Variants in TANC2 observed in about 807,000 individuals in gnomAD.
TANC2 encodes tetratricopeptide repeat, ankyrin repeat and coiled-coil containing 2.
TANC2 carries 26 observed loss-of-function variants against 210.5 expected under a neutral mutation model. The observed-to-expected ratio is 0.12, with a 90% confidence interval of 0.09 to 0.17. The LOEUF (loss-of-function observed/expected upper bound fraction) is 0.17. Ranked by LOEUF, TANC2 falls within the 10% of genes least tolerant of loss-of-function variation. The probability of loss-of-function intolerance (pLI) is 1.00; values close to 1 mark genes in which losing one functional copy is unlikely to be tolerated. For synonymous variants in TANC2, 931 were observed against 967.1 expected (o/e 0.96, Z 0.69); for missense variants, 2,129 against 2,608.9 (o/e 0.82, Z 4.01).
intron 19 of TANC2, among the ~76,000 whole-genome samples, chr17:63,401,960 C>A (rs1378813894): frequency 6.6e-6 from 1 of 152,174 alleles, no homozygotes; most frequent in Admixed American, 6.5e-5. Context: ...TAGCCTCACC[C>A]TTTTGTGATA....
chr17:63,418,861 C>T lies in TANC2; in HGVS notation c.4268+454C>T, dbSNP rs551350727. Among the ~76,000 whole-genome samples the T allele has an allele frequency of 9.9e-5, 15 of 152,254 alleles. No individual in the cohort carries two copies. Among genetic ancestry groups the T allele is most frequent in the Non-Finnish European group, 1.9e-4 (13 of 68,018 alleles). Reference sequence around the variant, plus strand: ...GGAATCCCGGATTAGTTAGTCTTCCCTCTGGGGCTCTCCTCAAGTCTGGTG... The same window carrying T: ...GGAATCCCGGATTAGTTAGTCTTCCTTCTGGGGCTCTCCTCAAGTCTGGTG... On this transcript the variant is annotated intron_variant, in intron 27 of 27. Transcript: ENST00000689528. This position sits in a 1 kb window ranked among gnomAD's most constrained non-coding sequence, Gnocchi z 4.6.
chr17:63,096,284 T>A (rs1598392431), intron 3 of TANC2, among the ~76,000 whole-genome samples: 2 of 152,126 alleles, frequency 1.3e-5, no homozygotes, highest in South Asian at 4.2e-4. Flanking sequence ...GTCAGCATAG[T>A]AAGTGAAAGG....
chr17:63,379,832 T>C lies in TANC2; in HGVS notation c.2691+6T>C. ...TCAAAGCACACATTTTTAAGGTAAT[T>C]AAAGCAGTTGGAACCATTTTTCCGC... On this transcript the variant is annotated splice_donor_region_variant and intron_variant, in intron 15 of 27. Transcript: ENST00000689528. 1 of 1,607,288 alleles carries C rather than the reference T, an allele frequency of 6.2e-7. No individual in the cohort carries two copies. The highest frequency in any genetic ancestry group is 1.3e-5 in the African/African-American group (1 of 74,724).
chr17:63,366,510 C>T (rs1176165284), intron 14 of TANC2, among the ~76,000 whole-genome samples: 3 of 152,126 alleles, frequency 2.0e-5, no homozygotes, highest in Non-Finnish European at 4.4e-5. Context: ...AGCTCTTCTG[C>T]CTCATGAAGC....
chr17:63,255,393 G>A lies in TANC2; in HGVS notation c.1034-12355G>A, dbSNP rs138748321. On this transcript the variant is annotated intron_variant, in intron 8 of 27. Transcript: ENST00000689528. ...AGGCGTGAGCCACCGCGCCCGGCCG[G>A]CAGTAGTTCTTTTTTAAATGTTTGG... 3.9e-3 allele frequency among the ~76,000 whole-genome samples: 589 copies of A among 152,136 alleles called. 3 individuals carry two copies. The highest frequency in any genetic ancestry group is 6.1e-3 in the Non-Finnish European group (413 of 67,986).
At chr17:63,083,091 A>G (rs559508319) in intron 3 of TANC2, among the ~76,000 whole-genome samples, 3 of 152,306 alleles carry the variant, frequency 2.0e-5, no homozygotes, top group South Asian at 2.1e-4. Flanking sequence ...AAAATGGACA[A>G]TCAGGCCCTG....
At chr17:63,394,539 C>T (rs1020038789) in intron 17 of TANC2, among the ~76,000 whole-genome samples, 1 of 152,206 alleles carries the variant, frequency 6.6e-6, no homozygotes, top group Non-Finnish European at 1.5e-5. Flanking sequence ...CTATTGGTTA[C>T]AATTCAGACC....
chr17:63,106,863 TTTTA>T (rs1216867646), intron 4 of TANC2, among the ~76,000 whole-genome samples: 1 of 151,672 alleles, frequency 6.6e-6, no homozygotes, highest in Non-Finnish European at 1.5e-5. Flanking sequence ...AAAGTGAAAG[TTTTA>T]TTTATAGTAT....
At chr17:62,973,422 A>AG (rs2031823599) in intron 1 of TANC2, among the ~76,000 whole-genome samples, 2 of 152,346 alleles carry the variant, frequency 1.3e-5, no homozygotes, top group Middle Eastern at 3.4e-3. Flanking sequence ...TTTCAGCATC[A>AG]GTATAGTTAG....
chr17:63,340,037 G>T, intron 11 of TANC2, 64 bp from the exon 12 acceptor site: 2 of 1,188,810 alleles, frequency 1.7e-6, no homozygotes, highest in Non-Finnish European at 2.5e-6. Context: ...CTCAATAGCT[G>T]ATAATCATAG....
Position 63,098,509 on chromosome 17 carries a change from C to CTGTG in TANC2, c.140-662_140-659dup, listed in dbSNP as rs1297888437. 6.1e-3 allele frequency among the ~76,000 whole-genome samples: 405 copies of CTGTG among 66,600 alleles called. 14 individuals are homozygous for CTGTG. Among genetic ancestry groups the CTGTG allele is most frequent in the African/African-American group, 0.038 (388 of 10,092 alleles). 43.7% of individuals were successfully genotyped at this position (66,600 alleles called of 152,430 possible). ...ACTCTCTCTCTCTCTCTCTCTCTCT[C>CTGTG]TGTGTGTATATATATATATATATAT... On this transcript the variant is annotated intron_variant, in intron 3 of 27. Coordinates refer to ENST00000689528, the Ensembl canonical transcript of TANC2.
chr17:63,262,963 A>G (rs2043412403), intron 8 of TANC2, among the ~76,000 whole-genome samples: 1 of 152,182 alleles, frequency 6.6e-6, no homozygotes, highest in African/African-American at 2.4e-5. Context: ...CTGATGTAAA[A>G]TGTGGCATCT....
In TANC2 at chr17:63,385,405, T is replaced by C. The variant is rs75096336; in HGVS notation, c.2692-3230T>C. On this transcript the variant is annotated intron_variant, in intron 15 of 27. Transcript: ENST00000689528. ...CTTCCTGGTCTTCCAGGATCTACAG[T>C]GCAGGTGTGCTCAAGAACCTAACTT... Among the ~76,000 whole-genome samples the C allele has an allele frequency of 7.3e-4, 111 of 152,322 alleles. 9 individuals are homozygous for C. In the East Asian group the frequency reaches 0.011, roughly 15 times the overall value.
exon 28 of TANC2, chr17:63,427,691 A>G (rs1474721152): frequency 6.6e-6 from 1 of 152,272 alleles, no homozygotes; most frequent in East Asian, 1.9e-4. Context: ...ATAAATGGCT[A>G]ACACTTGGAA....
At position 63,069,086 on chromosome 17, in the gene TANC2, A is replaced by T. The variant is rs534411682; in HGVS notation, c.68-4857A>T. Among the ~76,000 whole-genome samples the T allele has an allele frequency of 5.3e-5, 8 of 152,264 alleles. No homozygotes were observed. The South Asian group carries it at 1.4e-3, about 28-fold the overall frequency. On this transcript the variant is annotated intron_variant, in intron 2 of 27. Transcript: ENST00000689528. ...AATTGATGTAAATATGGGAAATCTT[A>T]AGATTTGGTGAAGTTTGATAGTTGC...
At chr17:63,216,976 A>G (rs763815129) in intron 7 of TANC2, among the ~76,000 whole-genome samples, 14 of 152,242 alleles carry the variant, frequency 9.2e-5, no homozygotes, top group Non-Finnish European at 2.9e-5. Flanking sequence ...TTTCTAAATA[A>G]TGCTCCAGTC....
intron 7 of TANC2, among the ~76,000 whole-genome samples, chr17:63,217,340 G>A (rs369728381): frequency 4.6e-5 from 7 of 152,092 alleles, no homozygotes; most frequent in Admixed American, 1.3e-4. Context: ...ACAAATTACC[G>A]CTATTAAGGG....
At chr17:63,195,982 T>TC (rs1391481527) in intron 6 of TANC2, among the ~76,000 whole-genome samples, 1 of 152,140 alleles carries the variant, frequency 6.6e-6, no homozygotes, top group Non-Finnish European at 1.5e-5. Context: ...GGAATGTTCT[T>TC]CCCCCATAAC....
intron 21 of TANC2, among the ~76,000 whole-genome samples, chr17:63,407,411 G>A (rs561130211): frequency 2.0e-5 from 3 of 152,282 alleles, no homozygotes; most frequent in African/African-American, 7.2e-5. Context: ...AACAAACCAA[G>A]TCCACTGAAA....
Sources: allele counts gnomAD v4.1 joint callset (sites outside exome capture counted in the v4.1 genomes callset), GRCh38; gene constraint gnomAD v4.1.1; non-coding constraint Gnocchi (gnomAD v3.1); transcripts MANE v1.5; gene names NCBI Gene and HGNC (gene_info 2026-07-23, HGNC 2026-07-21).